The following RPGRIP1L variants were observed in gnomAD, a reference collection of about 807,000 sequenced individuals.
RPGRIP1L encodes protein fantom.
RPGRIP1L carries 131 observed loss-of-function variants against 160.4 expected under a neutral mutation model. The observed-to-expected ratio is 0.82, with a 90% CI of 0.71 to 0.94. The LOEUF is 0.94. Ranked by LOEUF, RPGRIP1L falls within the 40% of genes least tolerant of loss-of-function variation. The probability of loss-of-function intolerance (pLI) is 0.00; values close to 1 mark genes in which losing one functional copy is unlikely to be tolerated. For missense variants in RPGRIP1L, 1,522 were observed against 1,535.8 expected (o/e 0.99, Z 0.15); for synonymous variants, 510 against 515.8 (o/e 0.99, Z 0.15).
At chr16:53,664,557 C>T (rs572756454) in intron 10 of RPGRIP1L, among the ~76,000 whole-genome samples, 2 of 152,274 alleles carry the variant, frequency 1.3e-5, no homozygotes, top group African/African-American at 4.8e-5. Context: ...CAGTACCTAG[C>T]ACTAACTGGT....
rs998445345 is a variant in RPGRIP1L, at chr16:53,653,324, C to A, written c.1700-337G>T. The A allele has an allele frequency of 7.0e-5, 79 of 1,133,316 alleles. 1 individual carries two copies. The South Asian group carries it at 1.8e-3, about 25-fold the overall frequency. The allele number at this position is 1,133,316 out of a possible 1,614,324, so 70.2% of individuals were successfully genotyped here. A position where few individuals can be genotyped will look rare whatever the true frequency, so the allele number is the denominator to read the frequency against. On this transcript the variant is annotated intron_variant, in intron 14 of 26. Coordinates refer to ENST00000647211, the MANE Select transcript of RPGRIP1L (RefSeq NM_015272.5). Reference sequence around the variant, plus strand: ...CCTGCTTCCCTGTCTCTGCTCCACCCATTGTCTTCACTCCTATAAAGTCAG... The same window carrying A: ...CCTGCTTCCCTGTCTCTGCTCCACCAATTGTCTTCACTCCTATAAAGTCAG...
chr16:53,628,855 T>A (rs1229922909), intron 22 of RPGRIP1L: 2 of 152,224 alleles, frequency 1.3e-5, no homozygotes, highest in African/African-American at 4.8e-5. Context: ...GGTGTCCTTA[T>A]ATGCCCTATA....
intron 26 of RPGRIP1L, among the ~76,000 whole-genome samples, chr16:53,603,674 ATGTGTGTGTGTGTGTGTGTG>A (rs3035223): frequency 6.8e-6 from 1 of 148,060 alleles, no homozygotes; most frequent in East Asian, 2.0e-4. Flanking sequence ...TTGAACTTTA[ATGTGTGTGTGTGTGTGTGTG>A]TGTGTGTGTG....
rs2151236607 is a variant in RPGRIP1L, at chr16:53,671,551, T to C, written c.1062A>G (p.Glu354=). The change falls in exon 9 of 27, where the codon GAA becomes GAG. Residue 354 remains glutamate, a synonymous_variant. Coordinates refer to ENST00000647211, the MANE Select transcript of RPGRIP1L (RefSeq NM_015272.5). Reference sequence around the variant, plus strand: ...CATAGTTTTCCTTTAAAAGTTCCCGTTCCTTTTCTAAATCATTAATTCTAT... The same window carrying C: ...CATAGTTTTCCTTTAAAAGTTCCCGCTCCTTTTCTAAATCATTAATTCTAT... ...LQDRINDLEK[E]RELLKENYDK... 1 of 1,571,868 alleles carries C rather than the reference T, an allele frequency of 6.4e-7. No individual in the cohort carries two copies. Among genetic ancestry groups the C allele is most frequent in the Non-Finnish European group, 8.7e-7 (1 of 1,143,690 alleles).
At chr16:53,627,169 G>A (rs903311002) in intron 22 of RPGRIP1L, among the ~76,000 whole-genome samples, 1 of 152,114 alleles carries the variant, frequency 6.6e-6, no homozygotes, top group African/African-American at 2.4e-5. Flanking sequence ...AGCCATACTG[G>A]AGTTGAATTG....
At chr16:53,643,790 T>A (rs1966387438) in intron 17 of RPGRIP1L, among the ~76,000 whole-genome samples, 1 of 152,172 alleles carries the variant, frequency 6.6e-6, no homozygotes, top group South Asian at 2.1e-4. Context: ...CGTTACAATA[T>A]ATTATCCAAA....
intron 15 of RPGRIP1L, among the ~76,000 whole-genome samples, chr16:53,651,338 A>T (rs1329106724): frequency 2.0e-5 from 3 of 152,160 alleles, no homozygotes; most frequent in African/African-American, 7.2e-5. Context: ...CCAAGCCACC[A>T]TCGTCTTTCC....
intron 10 of RPGRIP1L, among the ~76,000 whole-genome samples, chr16:53,661,665 G>A (rs1473117273): frequency 6.6e-6 from 1 of 152,062 alleles, no homozygotes; most frequent in African/African-American, 2.4e-5. Flanking sequence ...ACTGTATTTT[G>A]ATTATCATTT....
intron 2 of RPGRIP1L, among the ~76,000 whole-genome samples, chr16:53,697,039 C>T (rs913751692): frequency 4.6e-5 from 7 of 152,008 alleles, no homozygotes; most frequent in South Asian, 2.1e-4. Flanking sequence ...ACTAAAAATA[C>T]GAAACTTAGC....
chr16:53,658,600 C>T (rs1967473835), intron 11 of RPGRIP1L, 136 bp from the exon 12 acceptor site: 1 of 870,830 alleles, frequency 1.1e-6, no homozygotes, highest in African/African-American at 1.7e-5. Flanking sequence ...ACAAGACATT[C>T]CAGTGCTTCA....
At chr16:53,614,524 G>T (rs1964237712) in intron 24 of RPGRIP1L, among the ~76,000 whole-genome samples, 1 of 152,184 alleles carries the variant, frequency 6.6e-6, no homozygotes, top group Non-Finnish European at 1.5e-5. Context: ...ACATTCATTT[G>T]CCAAATTTTT....
At chr16:53,668,537 G>A (rs1349536350) in intron 9 of RPGRIP1L, among the ~76,000 whole-genome samples, 1 of 152,124 alleles carries the variant, frequency 6.6e-6, no homozygotes, top group East Asian at 1.9e-4. Flanking sequence ...AGAGGGAGGG[G>A]TGCAGATGGA....
chr16:53,700,867 G>GCTTTC, intron 1 of RPGRIP1L, 137 bp from the exon 2 acceptor site: 1 of 712,734 alleles, frequency 1.4e-6, no homozygotes, highest in Non-Finnish European at 2.5e-6. Flanking sequence ...GCTTGGAGAA[G>GCTTTC]ATGAAAGCTT....
rs565245381 is a variant in RPGRIP1L, at chr16:53,696,281, G to C, written c.100C>G (p.Arg34Gly). 9.9e-6 allele frequency: 16 copies of C among 1,613,942 alleles called. No individual in the cohort carries two copies. The East Asian group carries it at 3.6e-4, about 36-fold the overall frequency. The stretch of plus-strand genomic sequence containing the variant: ...ACTGCCTGGCGAGACTTCATTGTCC[G>C]TGTTGTTGAAGTTTCTGCAAAAATG... ...MGGLQETSTT[R>G]TMKSRQAVSR... Residue 34 changes from arginine (R) to glycine (G), a missense_variant, in exon 3 of 27, where the codon CGG becomes GGG. Arg to Gly is a moderately radical substitution (Grantham distance 125, BLOSUM62 -2). Coordinates refer to ENST00000647211, the MANE Select transcript of RPGRIP1L (RefSeq NM_015272.5).
intron 6 of RPGRIP1L, among the ~76,000 whole-genome samples, chr16:53,682,438 C>G (rs1005111988): frequency 7.2e-5 from 11 of 152,148 alleles, no homozygotes; most frequent in African/African-American, 2.4e-4. Context: ...CCTTGTCTAT[C>G]ACTCTATTTC....
chr16:53,683,538 G>A (rs1302644695), intron 6 of RPGRIP1L, among the ~76,000 whole-genome samples: 1 of 152,044 alleles, frequency 6.6e-6, no homozygotes, highest in Non-Finnish European at 1.5e-5. Flanking sequence ...ATTTATCAGT[G>A]AGGTGACATG....
Position 53,601,423 on chromosome 16 carries a change from A to G in RPGRIP1L, c.*653T>C, listed in dbSNP as rs921499772. ...CAAATAGAATGAACTTTTAAGAAAG[A>G]AAGACAAAAAACTTGCAGTCATTGA... On this transcript the variant is annotated 3_prime_UTR_variant, in exon 27 of 27. Coordinates refer to ENST00000647211, the MANE Select transcript of RPGRIP1L (RefSeq NM_015272.5). The G allele has an allele frequency of 1.3e-5, 2 of 152,816 alleles. No homozygotes were observed. Among genetic ancestry groups the G allele is most frequent in the Non-Finnish European group, 2.9e-5 (2 of 68,176 alleles). The allele number at this position is 152,816 out of a possible 1,614,324, so 9.5% of individuals were successfully genotyped here. A position where few individuals can be genotyped will look rare whatever the true frequency, so the allele number is the denominator to read the frequency against.
At chr16:53,658,284 G>T in intron 12 of RPGRIP1L, 130 bp downstream of exon 12, 1 of 748,818 alleles carries the variant, frequency 1.3e-6, no homozygotes. Context: ...TATTTGTAAA[G>T]GATGTACTAA....
intron 2 of RPGRIP1L, among the ~76,000 whole-genome samples, chr16:53,699,891 T>C (rs1416472193): frequency 3.3e-5 from 5 of 152,174 alleles, no homozygotes; most frequent in Non-Finnish European, 7.4e-5. Flanking sequence ...CATTGACCAC[T>C]TTTCTGGTTT....
Sources: allele counts gnomAD v4.1 joint callset (sites outside exome capture counted in the v4.1 genomes callset), GRCh38; gene constraint gnomAD v4.1.1; transcripts MANE v1.5; gene names NCBI Gene and HGNC (gene_info 2026-07-23, HGNC 2026-07-21).